The following SH3GL1 variants were observed in gnomAD, a reference collection of about 807,000 sequenced individuals.
SH3GL1 encodes endophilin-A2.
A neutral mutation model predicts 48.8 loss-of-function variants in SH3GL1; 21 were observed. That is an observed-to-expected ratio of 0.43 (90% confidence interval 0.30 to 0.62). The LOEUF (loss-of-function observed/expected upper bound fraction) is 0.62. Ranked by LOEUF, SH3GL1 falls within the 20% of genes least tolerant of loss-of-function variation. The pLI is 0.11. For missense variants in SH3GL1, 454 were observed against 503.0 expected (o/e 0.90, Z 0.93); for synonymous variants, 282 against 217.5 (o/e 1.30, Z -2.61).
intron 1 of SH3GL1, among the ~76,000 whole-genome samples, chr19:4,375,337 A>T (rs1047882940): frequency 6.6e-6 from 1 of 152,230 alleles, no homozygotes; most frequent in Non-Finnish European, 1.5e-5. Context: ...AGACAGCAGG[A>T]GTGGCTAGGA....
chr19:4,363,475 T>G lies in SH3GL1; in HGVS notation c.625-2A>C, dbSNP rs750716643. On this transcript the variant is annotated splice_acceptor_variant, in intron 6 of 9. Coordinates refer to ENST00000269886, the MANE Select transcript of SH3GL1 (RefSeq NM_003025.4). LOFTEE classifies it high-confidence loss of function. ...CGAGAGCTGACTCACCTGCTCGATC[T>G]GTGGGGACAGTAGGGCTCAGGGGCT... The G allele has an allele frequency of 6.2e-7, 1 of 1,610,976 alleles. No individual in the cohort carries two copies. The highest frequency in any genetic ancestry group is 8.5e-7 in the Non-Finnish European group (1 of 1,178,734).
intron 1 of SH3GL1, among the ~76,000 whole-genome samples, chr19:4,368,566 G>A (rs889566525): frequency 1.3e-5 from 2 of 152,208 alleles, no homozygotes; most frequent in African/African-American, 4.8e-5. Flanking sequence ...AGGAATTCCT[G>A]GCCCTCCTCC....
intron 1 of SH3GL1, among the ~76,000 whole-genome samples, chr19:4,381,464 ATC>A (rs1316814259): frequency 2.1e-4 from 7 of 33,914 alleles, no homozygotes; most frequent in East Asian, 9.7e-4. Context: ...TCTGTCTCCC[ATC>A]TCTCTGTCCC....
Position 4,362,440 on chromosome 19 carries a change from C to T in SH3GL1, c.854-55G>A, listed in dbSNP as rs1025502043. The T allele has an allele frequency of 3.2e-6, 5 of 1,584,562 alleles. No homozygotes were observed. The African/African-American group carries it at 5.4e-5, about 17-fold the overall frequency. ...GGCTCAAAACGGTCGGGCAGGGCCC[C>T]TTCTGCAGAAGGCTGGGGCCAGCCC... On this transcript the variant is annotated intron_variant, in intron 8 of 9. Coordinates refer to ENST00000269886, the MANE Select transcript of SH3GL1 (RefSeq NM_003025.4).
chr19:4,363,804 A>G lies in SH3GL1; in HGVS notation c.540T>C (p.Asp180=), dbSNP rs776523864. ...TCTCCAGCGCCTGGCGTAGCTCCTC[A>G]TCGGGGATCTTGCCCTGCCGCTTCT... is the stretch of plus-strand genomic sequence containing the variant. ...YKKKRQGKIP[D]EELRQALEKF... The change falls in exon 6 of 10, where the codon GAT becomes GAC. Residue 180 remains aspartate, a synonymous_variant. Transcript: ENST00000269886. 12 of 1,613,516 alleles carry G rather than the reference A, an allele frequency of 7.4e-6. No individual in the cohort carries two copies. The highest frequency in any genetic ancestry group is 1.3e-5 in the African/African-American group (1 of 74,916).
intron 1 of SH3GL1, among the ~76,000 whole-genome samples, chr19:4,391,079 C>T (rs952081516): frequency 4.6e-5 from 7 of 152,148 alleles, no homozygotes; most frequent in African/African-American, 9.7e-5. Context: ...CAGGTCTGAG[C>T]GGGACGGGCC....
At chr19:4,361,841 C>T in intron 9 of SH3GL1, 45 bp from the exon 10 acceptor site, 6 of 1,393,754 alleles carry the variant, frequency 4.3e-6, no homozygotes, top group Non-Finnish European at 6.0e-6. Flanking sequence ...CTACGCCTCA[C>T]CCCGCCCAGT....
At position 4,396,825 on chromosome 19, in the gene SH3GL1, C is replaced by A. The variant is rs568730052; in HGVS notation, c.45+3499G>T. Among the ~76,000 whole-genome samples, 11 of 152,246 alleles carry A rather than the reference C, an allele frequency of 7.2e-5. No individual in the cohort carries two copies. The East Asian group carries it at 2.1e-3, about 29-fold the overall frequency. ...GCAGCACCGCACCAAGCTGTGACAA[C>A]CAAAAAGGTCCCAGACATTGTCAAT... On this transcript the variant is annotated intron_variant, in intron 1 of 9. Transcript: ENST00000269886.
chr19:4,390,166 G>A (rs1041830843), intron 1 of SH3GL1: 3 of 152,284 alleles, frequency 2.0e-5, no homozygotes, highest in Non-Finnish European at 2.9e-5. Flanking sequence ...GCTGTGGTGA[G>A]GAGGTCTCCC....
chr19:4,369,770 C>T (rs984131193), intron 1 of SH3GL1, among the ~76,000 whole-genome samples: 3 of 152,266 alleles, frequency 2.0e-5, no homozygotes, highest in East Asian at 1.9e-4. Flanking sequence ...CTACCCGGGT[C>T]CCTCTGCTCA....
At chr19:4,362,491 T>A in intron 8 of SH3GL1, 106 bp from the exon 9 acceptor site, 1 of 1,573,732 alleles carries the variant, frequency 6.4e-7, no homozygotes, top group East Asian at 2.4e-5. Flanking sequence ...GCGGTCCAGA[T>A]GGAGCACGGC....
chr19:4,381,745 T>G (rs1182429118), intron 1 of SH3GL1, among the ~76,000 whole-genome samples: 6 of 124,780 alleles, frequency 4.8e-5, no homozygotes, highest in Non-Finnish European at 9.6e-5. Flanking sequence ...CTAGCTGGAG[T>G]GCAGTGGCGC....
Position 4,363,747 on chromosome 19 carries a change from G to C in SH3GL1, c.597C>G (p.Thr199=), listed in dbSNP as rs367704230. Reference sequence around the variant, plus strand: ...CAGTCTCCAGGAGGTTGTGCATGCTGGTTTCTGCCACCTCCTTGGACTCCT... The same window carrying C: ...CAGTCTCCAGGAGGTTGTGCATGCTCGTTTCTGCCACCTCCTTGGACTCCT... The part of the protein sequence containing the change: ...KFEESKEVAE[T]SMHNLLETDI... The change falls in exon 6 of 10, where the codon ACC becomes ACG. Residue 199 remains threonine, a synonymous_variant. Transcript: ENST00000269886. 1.2e-6 allele frequency: 2 copies of C among 1,613,596 alleles called. No individual in the cohort carries two copies. Among genetic ancestry groups the C allele is most frequent in the African/African-American group, 2.7e-5 (2 of 74,928 alleles).
intron 1 of SH3GL1, among the ~76,000 whole-genome samples, chr19:4,379,758 T>C (rs1973083582): frequency 2.0e-5 from 3 of 152,122 alleles, no homozygotes; most frequent in Admixed American, 2.0e-4. Flanking sequence ...GCCGTGACTG[T>C]GACCCCTCAC....
intron 1 of SH3GL1, among the ~76,000 whole-genome samples, chr19:4,381,284 T>C (rs1354682488): frequency 3.8e-5 from 4 of 106,438 alleles, no homozygotes; most frequent in South Asian, 8.1e-4. Context: ...GTCTCCCGTC[T>C]CCCTCTGTCC....
intron 1 of SH3GL1, among the ~76,000 whole-genome samples, chr19:4,370,852 C>T (rs941100749): frequency 6.6e-6 from 1 of 152,262 alleles, no homozygotes. Context: ...TGGCAGTGGC[C>T]TCTGGGAAGG....
chr19:4,367,045 A>G lies in SH3GL1; in HGVS notation c.46-51T>C, dbSNP rs769000878. The G allele has an allele frequency of 7.8e-6, 12 of 1,548,058 alleles. No homozygotes were observed. The African/African-American group carries it at 9.5e-5, about 12-fold the overall frequency. ...TGTGAGCCCAGGGGTAGGAGGAAGA[A>G]GAGGACAGGAGGCCCTGAGCCGCCT... On this transcript the variant is annotated intron_variant, in intron 1 of 9. Coordinates refer to ENST00000269886, the MANE Select transcript of SH3GL1 (RefSeq NM_003025.4). This position sits in a 1 kb window ranked among gnomAD's most constrained non-coding sequence, Gnocchi z 4.2.
chr19:4,361,333 G>T lies in SH3GL1; in HGVS notation c.*267C>A. 1 of 517,576 alleles carries T rather than the reference G, an allele frequency of 1.9e-6. No individual in the cohort carries two copies. Among genetic ancestry groups the T allele is most frequent in the East Asian group, 3.3e-5 (1 of 30,142 alleles). 32.1% of individuals were successfully genotyped at this position (517,576 alleles called of 1,614,324 possible). A position where few individuals can be genotyped will look rare whatever the true frequency, so the allele number is the denominator to read the frequency against. ...CAGCTGGGCGAGAAGTTGGGGAGCG[G>T]GGGAGGAGGCTGGCGCCATGGAGTG... On this transcript the variant is annotated 3_prime_UTR_variant, in exon 10 of 10. Coordinates refer to ENST00000269886, the MANE Select transcript of SH3GL1 (RefSeq NM_003025.4).
intron 1 of SH3GL1, among the ~76,000 whole-genome samples, chr19:4,368,344 G>C (rs1972826566): frequency 6.6e-6 from 1 of 152,236 alleles, no homozygotes; most frequent in African/African-American, 2.4e-5. Context: ...CCCAAGAGCA[G>C]GAAGTGCGGG....
Sources: allele counts gnomAD v4.1 joint callset (sites outside exome capture counted in the v4.1 genomes callset), GRCh38; gene constraint gnomAD v4.1.1; non-coding constraint Gnocchi (gnomAD v3.1); transcripts MANE v1.5; gene names NCBI Gene and HGNC (gene_info 2026-07-23, HGNC 2026-07-21).